The following NPAS3 variants were observed in gnomAD, a reference collection of about 807,000 sequenced individuals.
The protein encoded by NPAS3 is neuronal PAS domain protein 3.
Under a neutral mutation model 73.1 loss-of-function variants are expected in NPAS3, and 14 were observed. The ratio of observed to expected loss-of-function variants is 0.19; its 90% CI spans 0.13 to 0.30. NPAS3 has a LOEUF of 0.30. NPAS3 is among the 10% of genes least tolerant of loss of function. The pLI is 1.00. For missense variants in NPAS3, 1,096 were observed against 1,250.0 expected (o/e 0.88, Z 1.86); for synonymous variants, 620 against 541.5 (o/e 1.14, Z -2.01).
intron 6 of NPAS3, among the ~76,000 whole-genome samples, chr14:33,688,916 T>C (rs898296474): frequency 3.3e-5 from 5 of 152,240 alleles, no homozygotes; most frequent in Non-Finnish European, 7.3e-5. Flanking sequence ...TAGGTTGTTC[T>C]ATCGGATTTG....
At chr14:33,218,801 A>G (rs1022504133) in intron 3 of NPAS3, among the ~76,000 whole-genome samples, 4 of 152,206 alleles carry the variant, frequency 2.6e-5, no homozygotes, top group Non-Finnish European at 4.4e-5. Context: ...TTATGGCTTC[A>G]GAAAGGTCCT....
intron 2 of NPAS3, among the ~76,000 whole-genome samples, chr14:33,186,752 T>G (rs1240452785): frequency 6.6e-6 from 1 of 152,222 alleles, no homozygotes. Context: ...TTTTTTTGTT[T>G]AGTGTGTCCA....
At chr14:33,641,940 C>T (rs1164423983) in intron 5 of NPAS3, among the ~76,000 whole-genome samples, 1 of 152,116 alleles carries the variant, frequency 6.6e-6, no homozygotes, top group Non-Finnish European at 1.5e-5. Flanking sequence ...AAGTAAATTT[C>T]TCATTTGTTT....
intron 9 of NPAS3, among the ~76,000 whole-genome samples, chr14:33,782,513 G>C (rs1293285256): frequency 1.3e-5 from 2 of 152,160 alleles, no homozygotes; most frequent in African/African-American, 4.8e-5. Flanking sequence ...ATATCCCTAG[G>C]GTTCTTTGTG....
At chr14:33,760,015 T>G (rs372008184) in intron 7 of NPAS3, among the ~76,000 whole-genome samples, 4 of 152,204 alleles carry the variant, frequency 2.6e-5, no homozygotes, top group East Asian at 3.8e-4. Flanking sequence ...ACTTGAATGT[T>G]GACAATTTCT....
intron 4 of NPAS3, among the ~76,000 whole-genome samples, chr14:33,456,908 A>C (rs1395727684): frequency 2.6e-5 from 4 of 152,158 alleles, no homozygotes; most frequent in Non-Finnish European, 5.9e-5. Context: ...CGTAAAAGGC[A>C]ACTCAAGCAG....
At chr14:33,163,732 A>G (rs1026774194) in intron 2 of NPAS3, among the ~76,000 whole-genome samples, 1 of 151,930 alleles carries the variant, frequency 6.6e-6, no homozygotes, top group African/African-American at 2.4e-5. Flanking sequence ...ATGACTTGGA[A>G]AAAAGGCTAG....
intron 5 of NPAS3, among the ~76,000 whole-genome samples, chr14:33,599,244 C>T (rs1325180623): frequency 6.6e-6 from 1 of 152,138 alleles, no homozygotes; most frequent in Non-Finnish European, 1.5e-5. Context: ...GAATTGTTTT[C>T]TCCTGTTTTG....
intron 5 of NPAS3, chr14:33,611,216 T>C (rs1952599): frequency 2.0e-5 from 3 of 151,924 alleles, no homozygotes; most frequent in South Asian, 2.1e-4. Flanking sequence ...AAATTAAATC[T>C]TTATGAAATA....
Position 33,098,799 on chromosome 14 carries a change from A to G in NPAS3, c.140+42805A>G, listed in dbSNP as rs376464982. 2.6e-5 allele frequency among the ~76,000 whole-genome samples: 4 copies of G among 152,366 alleles called. No individual in the cohort carries two copies. The East Asian group carries it at 5.8e-4, about 22-fold the overall frequency. On this transcript the variant is annotated intron_variant, in intron 2 of 11. Coordinates refer to ENST00000356141, the Ensembl canonical transcript of NPAS3. The stretch of plus-strand genomic sequence containing the variant: ...AATTTAGAAATAAATCAGTGAAGCC[A>G]TATAAATTTCAATGATCTCCCATTT...
At position 33,328,463 on chromosome 14, in the gene NPAS3, T is replaced by C. The variant is rs1287724992; in HGVS notation, c.386-38723T>C. The stretch of plus-strand genomic sequence containing the variant: ...TTTCTTTTCTTTTTTTTTTTTTTTT[T>C]TTTTTTTTTTTTTTTTTTTTTGAGA... On this transcript the variant is annotated intron_variant, in intron 3 of 11. Transcript: ENST00000356141. Among the ~76,000 whole-genome samples the C allele has an allele frequency of 8.2e-4, 49 of 59,964 alleles. 1 individual carries two copies. The highest frequency in any genetic ancestry group is 2.4e-3 in the African/African-American group (42 of 17,712). The allele number at this position is 59,964 out of a possible 152,430, so 39.3% of individuals were successfully genotyped here. A position where few individuals can be genotyped will look rare whatever the true frequency, so the allele number is the denominator to read the frequency against.
At chr14:33,298,292 CAG>C (rs1196269011) in intron 3 of NPAS3, among the ~76,000 whole-genome samples, 1 of 152,180 alleles carries the variant, frequency 6.6e-6, no homozygotes, top group Admixed American at 6.5e-5. Flanking sequence ...CAAAAACAAA[CAG>C]AGATTTTTGA....
At chr14:33,733,288 T>A (rs1471396968) in intron 6 of NPAS3, among the ~76,000 whole-genome samples, 6 of 151,238 alleles carry the variant, frequency 4.0e-5, no homozygotes, top group Non-Finnish European at 8.8e-5. Context: ...AGTCTAACCT[T>A]AAATGTATAA....
intron 4 of NPAS3, among the ~76,000 whole-genome samples, chr14:33,531,898 T>G (rs573184278): frequency 2.3e-4 from 35 of 152,256 alleles, no homozygotes; most frequent in African/African-American, 8.4e-4. Flanking sequence ...CATCGTGACT[T>G]TAATTTGCAT....
chr14:33,598,471 C>T lies in NPAS3; in HGVS notation c.558+38261C>T, dbSNP rs571007822. ...CTGATCAAGTGTCTAAAACCTAGTG[C>T]CTTACAATCAGAGTAAACTCTCTCA... On this transcript the variant is annotated intron_variant, in intron 5 of 11. Transcript: ENST00000356141. 4.3e-4 allele frequency among the ~76,000 whole-genome samples: 65 copies of T among 152,266 alleles called. 1 individual carries two copies. In the Middle Eastern group the frequency reaches 0.024, roughly 56 times the overall value.
At chr14:33,310,080 AG>A (rs2042937392) in intron 3 of NPAS3, among the ~76,000 whole-genome samples, 2 of 152,220 alleles carry the variant, frequency 1.3e-5, no homozygotes, top group Admixed American at 1.3e-4. Flanking sequence ...CATGGCCTTC[AG>A]GTGCTTGAAT....
intron 1 of NPAS3, among the ~76,000 whole-genome samples, chr14:33,047,874 T>A (rs1271194268): frequency 6.6e-6 from 1 of 152,186 alleles, no homozygotes; most frequent in East Asian, 1.9e-4. Flanking sequence ...AGGTGTTTCT[T>A]CCATTGTAAC....
chr14:33,269,565 A>C (rs1215258901), intron 3 of NPAS3, among the ~76,000 whole-genome samples: 2 of 152,266 alleles, frequency 1.3e-5, no homozygotes, highest in East Asian at 3.9e-4. Context: ...CCTATATACT[A>C]TTTAGTAGTT....
intron 6 of NPAS3, among the ~76,000 whole-genome samples, chr14:33,682,011 A>G (rs545125726): frequency 1.3e-5 from 2 of 152,256 alleles, no homozygotes; most frequent in Non-Finnish European, 2.9e-5. Context: ...CCTTTTCAGG[A>G]AACTGCTAAT....
Sources: gnomAD v4.1 joint callset for allele counts (sites outside exome capture counted in the v4.1 genomes callset) on GRCh38, gnomAD v4.1.1 for gene constraint, MANE v1.5 for transcripts, NCBI Gene and HGNC (gene_info 2026-07-23, HGNC 2026-07-21) for gene names.